TRANK1: variants seen among roughly 807,000 people sequenced by gnomAD.
The protein encoded by TRANK1 is tetratricopeptide repeat and ankyrin repeat containing 1.
A neutral mutation model predicts 266.0 loss-of-function variants in TRANK1; 198 were observed. The ratio of observed to expected loss-of-function variants is 0.74; its 90% CI spans 0.66 to 0.84. TRANK1 has a LOEUF of 0.84. Among genes scored for constraint, TRANK1 ranks in the 40% least tolerant of loss-of-function variants. TRANK1 has a pLI of 0.00. For missense variants in TRANK1, 3,326 were observed against 3,634.6 expected (o/e 0.92, Z 2.18); for synonymous variants, 1,396 against 1,384.1 (o/e 1.01, Z -0.19).
chr3:36,896,840 C>T (rs961011706), intron 4 of TRANK1, among the ~76,000 whole-genome samples: 5 of 151,958 alleles, frequency 3.3e-5, no homozygotes, highest in Non-Finnish European at 2.9e-5. Flanking sequence ...ACTAAAAAAA[C>T]AAAAATCAGC....
rs776267353 is a variant in TRANK1 at position 36,899,190 on chromosome 3, C to T, written c.352G>A (p.Glu118Lys). Residue 118 changes from glutamate to lysine, a missense_variant, in exon 4 of 24, where the codon GAG becomes AAG. Glu to Lys is a moderately conservative substitution (Grantham distance 56, BLOSUM62 1). Transcript: ENST00000645898. ...QPYEAARMFF[E>K]GLRLVQRSQD... is the part of the protein sequence containing the mutation. ...CTTCTCTGCACAAGTCGCAGACCCT[C>T]AAAAAACATGCGAGCGGCTTCGTAA... 6.5e-7 allele frequency: 1 copy of T among 1,537,250 alleles called. No individual in the cohort carries two copies. The highest frequency in any genetic ancestry group is 1.4e-5 in the African/African-American group (1 of 73,142).
intron 21 of TRANK1, 157 bp downstream of exon 21, chr3:36,834,605 A>G (rs1020245745): frequency 3.1e-5 from 22 of 716,370 alleles, no homozygotes; most frequent in Middle Eastern, 7.8e-4. Context: ...GCTCTCAAAG[A>G]GCTGCTGACC....
intron 2 of TRANK1, among the ~76,000 whole-genome samples, chr3:36,905,237 G>A (rs1235222509): frequency 6.7e-6 from 1 of 149,886 alleles, no homozygotes; most frequent in Admixed American, 6.7e-5. Flanking sequence ...CTTGCAGTGA[G>A]CCGAGATCGT....
chr3:36,834,704 G>A, intron 21 of TRANK1, 58 bp downstream of exon 21: 2 of 1,564,396 alleles, frequency 1.3e-6, no homozygotes, highest in South Asian at 2.4e-5. Context: ...AGAGCAGGCT[G>A]CCCCCAGAGA....
intron 20 of TRANK1, among the ~76,000 whole-genome samples, chr3:36,837,338 G>C (rs1354893902): frequency 2.0e-5 from 3 of 152,146 alleles, no homozygotes; most frequent in Non-Finnish European, 2.9e-5. Flanking sequence ...AGGGTAGGCA[G>C]CATCTGGAGG....
At chr3:36,872,800 T>G (rs1559443921) in intron 9 of TRANK1, among the ~76,000 whole-genome samples, 2 of 152,098 alleles carry the variant, frequency 1.3e-5, no homozygotes, top group Non-Finnish European at 2.9e-5. Context: ...TAATAGAGGA[T>G]AATTCCCCTG....
chr3:36,831,406 G>A lies in TRANK1; in HGVS notation c.8177C>T (p.Ala2726Val). The A allele has an allele frequency of 6.2e-7, 1 of 1,612,956 alleles. No homozygotes were observed. The highest frequency in any genetic ancestry group is 1.1e-5 in the South Asian group (1 of 90,866). The change falls in exon 22 of 24, where the codon GCA (alanine) becomes GTA (valine). Residue 2726 changes from alanine (A) to valine (V), a missense_variant. Physicochemically the swap from Ala to Val is moderately conservative, Grantham distance 64. Transcript: ENST00000645898. The surrounding 1 kb of genome is among the most constrained non-coding windows in gnomAD (Gnocchi z 5.0). ...GATGCACAGAGACACCACCAGGCAT[G>A]CCCTCCTCAACTTCCGCTGTATGGA... Reference protein sequence around the residue: ...KASIQRKLRRACLVVSLCISW... With the variant: ...KASIQRKLRRVCLVVSLCISW...
intron 1 of TRANK1, among the ~76,000 whole-genome samples, chr3:36,914,583 A>AC (rs1231905361): frequency 6.6e-6 from 1 of 151,100 alleles, no homozygotes; most frequent in Non-Finnish European, 1.5e-5. Context: ...GATACAGAAC[A>AC]CCCCCAATCC....
Position 36,944,833 on chromosome 3 carries a change from C to A in TRANK1, c.-24G>T, listed in dbSNP as rs533541492. ...ATGGCTGCGGCCGGAGGGTCCGCACCAGGACCGCCGCCGCCTGGGGAAGCG... is the reference window on the plus strand; with the variant it reads ...ATGGCTGCGGCCGGAGGGTCCGCACAAGGACCGCCGCCGCCTGGGGAAGCG... On this transcript the variant is annotated 5_prime_UTR_variant, in exon 1 of 24. Coordinates refer to ENST00000645898, the MANE Select transcript of TRANK1 (RefSeq NM_001329998.2). 12 of 1,459,248 alleles carry A rather than the reference C, an allele frequency of 8.2e-6. No individual in the cohort carries two copies. The highest frequency in any genetic ancestry group is 6.6e-5 in the South Asian group (5 of 76,072). The allele number at this position is 1,459,248 out of a possible 1,614,324, so 90.4% of individuals were successfully genotyped here.
Position 36,855,348 on chromosome 3 carries a change from G to A in TRANK1, c.4374C>T (p.Asn1458=), listed in dbSNP as rs766837759. ...CCGTGTCCCCCGTGAGGAACATAGA[G>A]TTGGGGTCATTGATGCATTTCATCA... ...ALLMKCINDP[N]SMFLTGDTAQ... Residue 1458 remains asparagine (N), a synonymous_variant, in exon 13 of 24, where the codon AAC becomes AAT. Coordinates refer to ENST00000645898, the MANE Select transcript of TRANK1 (RefSeq NM_001329998.2). 5.0e-6 allele frequency: 8 copies of A among 1,614,062 alleles called. No homozygotes were observed. The South Asian group carries it at 8.8e-5, about 18-fold the overall frequency.
chr3:36,831,353 T>G lies in TRANK1; in HGVS notation c.8230A>C (p.Met2744Leu). 6.2e-7 allele frequency: 1 copy of G among 1,613,426 alleles called. No homozygotes were observed. The highest frequency in any genetic ancestry group is 8.5e-7 in the Non-Finnish European group (1 of 1,179,652). Residue 2744 changes from methionine (M) to leucine (L), a missense_variant, in exon 22 of 24, where the codon ATG (methionine) becomes CTG (leucine). By Grantham distance (15) the Met-to-Leu change is conservative. Coordinates refer to ENST00000645898, the MANE Select transcript of TRANK1 (RefSeq NM_001329998.2). The surrounding 1 kb of genome is among the most constrained non-coding windows in gnomAD (Gnocchi z 5.0). ...ISWRRRVGTQ[M>L]ERVREEAREP... ...CTGGCCTCCTCCCTGACACGCTCCA[T>G]CTGGGTGCCCACTCTTCTCCTCCAA...
chr3:36,833,084 C>A lies in TRANK1; in HGVS notation c.6499G>T (p.Ala2167Ser). ...CTGCCCAAAAGGTGTTTGTTTAGGG[C>A]TAATTTCACTTGGTCAGTCATTATC... is the stretch of plus-strand genomic sequence containing the variant. Reference protein sequence around the residue: ...FLIMTDQVKLALNKHLLGRLC... With the variant: ...FLIMTDQVKLSLNKHLLGRLC... The change falls in exon 22 of 24, where the codon GCC becomes TCC. Residue 2167 changes from alanine (A) to serine (S), a missense_variant. Physicochemically the swap from Ala to Ser is moderately conservative, Grantham distance 99. Transcript: ENST00000645898. The A allele has an allele frequency of 6.2e-7, 1 of 1,612,608 alleles. No individual in the cohort carries two copies.
intron 3 of TRANK1, among the ~76,000 whole-genome samples, chr3:36,899,492 T>G (rs1180034482): frequency 6.6e-6 from 1 of 152,096 alleles, no homozygotes; most frequent in Non-Finnish European, 1.5e-5. Context: ...TTGTCTCTAC[T>G]AAAAAGAAAA....
At chr3:36,868,963 AAAAC>A (rs1309444225) in intron 9 of TRANK1, among the ~76,000 whole-genome samples, 1 of 152,252 alleles carries the variant, frequency 6.6e-6, no homozygotes, top group Non-Finnish European at 1.5e-5. Flanking sequence ...AACTGTGAGA[AAAAC>A]AAAGGCTCCA....
At chr3:36,895,570 A>G (rs1337599203) in intron 5 of TRANK1, 70 bp downstream of exon 5, 5 of 926,614 alleles carry the variant, frequency 5.4e-6, no homozygotes, top group Non-Finnish European at 7.6e-6. Context: ...ACAATCCCTC[A>G]ATGCCAATGG....
chr3:36,899,033 A>G (rs1253610727), intron 4 of TRANK1, 76 bp downstream of exon 4: 2 of 1,461,780 alleles, frequency 1.4e-6, no homozygotes, highest in Non-Finnish European at 1.8e-6. Context: ...GTATCTCCCC[A>G]TGAGCCTGAG....
intron 1 of TRANK1, among the ~76,000 whole-genome samples, chr3:36,938,705 T>C (rs918883783): frequency 1.3e-5 from 2 of 151,668 alleles, no homozygotes; most frequent in African/African-American, 2.4e-5. Context: ...ACACCTGTAA[T>C]CCCAGCACTC....
intron 1 of TRANK1, among the ~76,000 whole-genome samples, chr3:36,930,776 A>T (rs947390478): frequency 5.9e-5 from 9 of 152,316 alleles, no homozygotes; most frequent in African/African-American, 2.2e-4. Flanking sequence ...TGATTGCCAA[A>T]AAAAGAGAGG....
Position 36,944,938 on chromosome 3 carries a change from G to A in TRANK1, c.-129C>T. 1 of 1,021,118 alleles carries A rather than the reference G, an allele frequency of 9.8e-7. No individual in the cohort carries two copies. The highest frequency in any genetic ancestry group is 3.3e-5 in the East Asian group (1 of 30,150). The allele number at this position is 1,021,118 out of a possible 1,614,324, so 63.3% of individuals were successfully genotyped here. ...CCCGGGGCAGGGGCGGCGCGATGCA[G>A]AGGCGGCGTTCGGGGGCCCCCAGCT... On this transcript the variant is annotated 5_prime_UTR_variant, in exon 1 of 24. Transcript: ENST00000645898.
Sources: gnomAD v4.1 joint callset for allele counts (sites outside exome capture counted in the v4.1 genomes callset) on GRCh38, gnomAD v4.1.1 for gene constraint, Gnocchi (gnomAD v3.1) non-coding constraint, MANE v1.5 for transcripts, NCBI Gene and HGNC (gene_info 2026-07-23, HGNC 2026-07-21) for gene names.